MKLN1: variants seen among roughly 807,000 people sequenced by gnomAD.
MKLN1 encodes the protein muskelin.
A neutral mutation model predicts 99.0 loss-of-function variants in MKLN1; 18 were observed. The ratio of observed to expected loss-of-function variants is 0.18; its 90% CI spans 0.13 to 0.27. The LOEUF is 0.27. Among genes scored for constraint, MKLN1 ranks in the 10% least tolerant of loss-of-function variants. The pLI, the probability that MKLN1 is intolerant of heterozygous loss-of-function variation, is 1.00. For synonymous variants in MKLN1, 288 were observed against 293.2 expected, an observed-to-expected ratio of 0.98 and a Z score of 0.18; for missense variants, 621 against 875.9, an observed-to-expected ratio of 0.71 and a Z score of 3.67.
At chr7:131,192,129 ATAAAAATATATATACG>A (rs1398846324) in intron 2 of MKLN1, among the ~76,000 whole-genome samples, 2 of 87,304 alleles carry the variant, frequency 2.3e-5, no homozygotes, top group East Asian at 4.8e-4. Context: ...ACGTATATAT[ATAAAAATATATATACG>A]TATATATACA....
Position 131,489,150 on chromosome 7 carries a change from AC to A in MKLN1, c.*1424del, listed in dbSNP as rs1385903959. On this transcript the variant is annotated 3_prime_UTR_variant, in exon 18 of 18. Transcript: ENST00000352689. ...TTAGGCCTCACCAAAGAAGAAATTAACCTGCACTTTCAAAAAGTACCATGTA... is the reference window on the plus strand; with the variant it reads ...TTAGGCCTCACCAAAGAAGAAATTAACTGCACTTTCAAAAAGTACCATGTA... 6.6e-6 allele frequency: 1 copy of A among 152,142 alleles called. No individual in the cohort carries two copies. Among genetic ancestry groups the A allele is most frequent in the Non-Finnish European group, 1.5e-5 (1 of 68,020 alleles). 9.4% of individuals were successfully genotyped at this position (152,142 alleles called of 1,614,324 possible). A position where few individuals can be genotyped will look rare whatever the true frequency, so the allele number is the denominator to read the frequency against.
intron 3 of MKLN1, among the ~76,000 whole-genome samples, chr7:131,279,876 A>G (rs1798026345): frequency 6.6e-6 from 1 of 152,158 alleles, no homozygotes; most frequent in African/African-American, 2.4e-5. Context: ...CTATTGTGCA[A>G]CCATCACAAC....
At chr7:131,157,334 G>C (rs527648158) in intron 2 of MKLN1, among the ~76,000 whole-genome samples, 1 of 152,160 alleles carries the variant, frequency 6.6e-6, no homozygotes, top group Non-Finnish European at 1.5e-5. Flanking sequence ...GGAGGTCAAG[G>C]CTGCAGTGAG....
chr7:131,334,703 A>T lies in MKLN1; in HGVS notation c.98+6706A>T, dbSNP rs374909189. 2.0e-5 allele frequency among the ~76,000 whole-genome samples: 3 copies of T among 152,190 alleles called. No homozygotes were observed. The East Asian group carries it at 5.8e-4, about 29-fold the overall frequency. On this transcript the variant is annotated intron_variant, in intron 1 of 17. Transcript: ENST00000352689. ...TGATACAAAGACTTTGTGATGTTTT[A>T]CGTGTAGATAAGATACATTTCAGCC...
intron 4 of MKLN1, among the ~76,000 whole-genome samples, chr7:131,395,450 TTTTTATTTTATTTTATTTTA>T (rs56276107): frequency 7.1e-4 from 95 of 134,270 alleles, no homozygotes; most frequent in Non-Finnish European, 1.0e-3. Context: ...GTAAAAATTA[TTTTTATTTTATTTTATTTTA>T]TTTTATTTTA....
At chr7:131,254,689 T>A (rs1797632195) in intron 3 of MKLN1, among the ~76,000 whole-genome samples, 1 of 152,022 alleles carries the variant, frequency 6.6e-6, no homozygotes, top group African/African-American at 2.4e-5. Context: ...AATAGTAGAT[T>A]TGAATTGGCA....
intron 3 of MKLN1, among the ~76,000 whole-genome samples, chr7:131,314,934 G>A (rs1174259593): frequency 2.0e-5 from 3 of 151,934 alleles, no homozygotes; most frequent in Non-Finnish European, 2.9e-5. Context: ...ACCATGCCAA[G>A]ATAAGTTTTG....
At chr7:131,115,871 C>T (rs1433051726) in intron 1 of MKLN1, among the ~76,000 whole-genome samples, 1 of 152,218 alleles carries the variant, frequency 6.6e-6, no homozygotes, top group Admixed American at 6.5e-5. Context: ...GTCCTTCTCT[C>T]TCCACGTTTC....
chr7:131,308,991 T>G (rs1233541240), intron 3 of MKLN1, among the ~76,000 whole-genome samples: 10 of 152,222 alleles, frequency 6.6e-5, no homozygotes, highest in Non-Finnish European at 2.9e-5. Context: ...CTAGAGCTGG[T>G]GTGTCACCAT....
chr7:131,344,949 G>A (rs933380014), intron 1 of MKLN1, among the ~76,000 whole-genome samples: 8 of 152,008 alleles, frequency 5.3e-5, no homozygotes, highest in Admixed American at 2.6e-4. Context: ...TTACAGGCAC[G>A]CACCACTGCG....
rs1354782791 is a variant in MKLN1, at chr7:131,367,070, AG to A, written c.99-8353del. Reference sequence around the variant, plus strand: ...AAATTAAAACTGTATCCCATTTTTCAGTTACCCATTTGTGTTTCATTATAAA... The same window carrying A: ...AAATTAAAACTGTATCCCATTTTTCATTACCCATTTGTGTTTCATTATAAA... On this transcript the variant is annotated intron_variant, in intron 1 of 17. Transcript: ENST00000352689. 3.3e-5 allele frequency among the ~76,000 whole-genome samples: 5 copies of A among 152,222 alleles called. 1 individual carries two copies. The East Asian group carries it at 9.6e-4, about 29-fold the overall frequency.
At chr7:131,312,439 T>C (rs1798583544) in intron 3 of MKLN1, among the ~76,000 whole-genome samples, 2 of 152,334 alleles carry the variant, frequency 1.3e-5, no homozygotes, top group South Asian at 4.1e-4. Context: ...TCAGTGTGCT[T>C]TAAATATCAA....
intron 8 of MKLN1, among the ~76,000 whole-genome samples, chr7:131,418,220 T>A (rs1428475175): frequency 6.6e-6 from 1 of 151,704 alleles, no homozygotes; most frequent in East Asian, 1.9e-4. Context: ...AATACAAAAA[T>A]TAGCCGGGCA....
Position 131,453,191 on chromosome 7 carries a change from A to G in MKLN1, c.1525+7288A>G, listed in dbSNP as rs535602943. On this transcript the variant is annotated intron_variant, in intron 12 of 17. Transcript: ENST00000352689. ...AGATATGATATTTAGGTTACTTGAT[A>G]GTAAATGAGAATTAAAGTTCACATG... is the stretch of plus-strand genomic sequence containing the variant. 4.6e-5 allele frequency among the ~76,000 whole-genome samples: 7 copies of G among 152,360 alleles called. No homozygotes were observed. In the East Asian group the frequency reaches 9.6e-4, roughly 21 times the overall value.
chr7:131,155,642 GA>G (rs954549209), intron 2 of MKLN1, among the ~76,000 whole-genome samples: 48 of 150,688 alleles, frequency 3.2e-4, no homozygotes, highest in Admixed American at 7.9e-4. Flanking sequence ...GATTATGAAA[GA>G]AAAAAAAAGT....
At chr7:131,143,453 G>A (rs1255012720) in intron 2 of MKLN1, among the ~76,000 whole-genome samples, 2 of 151,828 alleles carry the variant, frequency 1.3e-5, no homozygotes, top group Non-Finnish European at 2.9e-5. Context: ...GCGACAGTGC[G>A]AGACTCCATC....
At chr7:131,256,116 G>A (rs1797654446) in intron 3 of MKLN1, among the ~76,000 whole-genome samples, 1 of 151,650 alleles carries the variant, frequency 6.6e-6, no homozygotes, top group African/African-American at 2.4e-5. Context: ...ATGTTGTCCA[G>A]GCTGGTCTCA....
At chr7:131,341,698 A>G (rs1248088650) in intron 1 of MKLN1, among the ~76,000 whole-genome samples, 1 of 152,240 alleles carries the variant, frequency 6.6e-6, no homozygotes, top group Non-Finnish European at 1.5e-5. Flanking sequence ...TCCATTTCAG[A>G]TCATCAGGCA....
chr7:131,277,431 C>A (rs1797990689), intron 3 of MKLN1, among the ~76,000 whole-genome samples: 1 of 152,008 alleles, frequency 6.6e-6, no homozygotes, highest in African/African-American at 2.4e-5. Flanking sequence ...TTACCAGCGC[C>A]CACCACCATG....
Sources: allele counts gnomAD v4.1 joint callset (sites outside exome capture counted in the v4.1 genomes callset), GRCh38; gene constraint gnomAD v4.1.1; transcripts MANE v1.5; gene names NCBI Gene and HGNC (gene_info 2026-07-23, HGNC 2026-07-21).